LIPA: variants seen among roughly 807,000 people sequenced by gnomAD.
The protein encoded by LIPA is lipase A, lysosomal acid type.
LIPA carries 26 observed loss-of-function variants against 40.6 expected under a neutral mutation model. The observed-to-expected ratio is 0.64, with a 90% CI of 0.47 to 0.89. The LOEUF is 0.89. LIPA is among the 40% of genes least tolerant of loss of function. LIPA has a pLI of 0.00. For synonymous variants in LIPA, 188 were observed against 168.4 expected (o/e 1.12, Z -0.90); for missense variants, 455 against 479.6 (o/e 0.95, Z 0.48).
At chr10:89,362,927 G>A in intron 2 of LIPA, 1 of 269,644 alleles carries the variant, frequency 3.7e-6, no homozygotes, top group Non-Finnish European at 7.3e-6. Context: ...CCCTAAAATG[G>A]GCTGTCAGTC....
At chr10:89,376,888 A>C (rs1487179430) in intron 2 of LIPA, among the ~76,000 whole-genome samples, 3 of 152,226 alleles carry the variant, frequency 2.0e-5, no homozygotes, top group African/African-American at 4.8e-5. Context: ...TTACAGGCCC[A>C]GGACAAAGAA....
chr10:89,237,720 T>C (rs936804948), intron 3 of LIPA, among the ~76,000 whole-genome samples: 3 of 152,230 alleles, frequency 2.0e-5, no homozygotes, highest in Non-Finnish European at 4.4e-5. Flanking sequence ...GTTCCATTGA[T>C]GCTTTTTTCC....
intron 2 of LIPA, among the ~76,000 whole-genome samples, chr10:89,359,264 T>C (rs1478593784): frequency 6.6e-6 from 1 of 152,166 alleles, no homozygotes; most frequent in Non-Finnish European, 1.5e-5. Context: ...ATGTTTTATA[T>C]TGTTGCACCC....
chr10:89,406,700 G>T (rs959348855), intron 2 of LIPA, among the ~76,000 whole-genome samples: 1 of 152,054 alleles, frequency 6.6e-6, no homozygotes, highest in Non-Finnish European at 1.5e-5. Flanking sequence ...AGAAACTCTG[G>T]ATGCATCTGA....
Position 89,225,308 on chromosome 10 carries a change from G to C in LIPA, c.539-80C>G, listed in dbSNP as rs936614707. 19 of 1,568,360 alleles carry C rather than the reference G, an allele frequency of 1.2e-5. No individual in the cohort carries two copies. In the Admixed American group the frequency reaches 2.5e-4, roughly 21 times the overall value. ...AGAAAACACAAAGGCCGTCACTCGC[G>C]ACGCCCTCTCGCGGAGGCCTGAGAC... On this transcript the variant is annotated intron_variant, in intron 5 of 9. Coordinates refer to ENST00000336233, the MANE Select transcript of LIPA (RefSeq NM_000235.4).
At chr10:89,280,047 C>G (rs992920337) in intron 1 of LIPA, among the ~76,000 whole-genome samples, 9 of 151,552 alleles carry the variant, frequency 5.9e-5, no homozygotes, top group African/African-American at 2.2e-4. Flanking sequence ...TTAAAATATG[C>G]CTATTAAATG....
chr10:89,306,754 G>A (rs748387974), intron 1 of LIPA: 61 of 1,613,946 alleles, frequency 3.8e-5, no homozygotes, highest in Non-Finnish European at 4.5e-5. Context: ...CAGACAAAGC[G>A]ATTGAACTGC....
intron 1 of LIPA, among the ~76,000 whole-genome samples, chr10:89,261,564 A>AT (rs1160368425): frequency 6.6e-6 from 1 of 152,180 alleles, no homozygotes; most frequent in Non-Finnish European, 1.5e-5. Context: ...CTCACATAAA[A>AT]ATATATAATC....
intron 2 of LIPA, chr10:89,384,649 A>T: frequency 1.2e-5 from 20 of 1,614,240 alleles, no homozygotes; most frequent in Non-Finnish European, 1.5e-5. Flanking sequence ...CCTTGGGCTT[A>T]TCCACAAATT....
At chr10:89,266,720 A>C (rs549806182) in intron 1 of LIPA, among the ~76,000 whole-genome samples, 20 of 152,338 alleles carry the variant, frequency 1.3e-4, no homozygotes, top group Admixed American at 2.6e-4. Context: ...TCCATTTCCC[A>C]GTTTCTAATT....
intron 1 of LIPA, 29 bp from the exon 2 acceptor site, chr10:89,247,678 T>C (rs1234362109): frequency 4.1e-6 from 6 of 1,475,648 alleles, no homozygotes; most frequent in Non-Finnish European, 4.7e-6. Flanking sequence ...TATTATTATT[T>C]GCTTGAATTT....
Position 89,225,330 on chromosome 10 carries a change from A to C in LIPA, c.539-102T>G, listed in dbSNP as rs555894056. ...CGCGACGCCCTCTCGCGGAGGCCTGAGACCCACGCAAACAATACCACCAGC... is the reference window on the plus strand; with the variant it reads ...CGCGACGCCCTCTCGCGGAGGCCTGCGACCCACGCAAACAATACCACCAGC... On this transcript the variant is annotated intron_variant, in intron 5 of 9. Transcript: ENST00000336233. The C allele has an allele frequency of 2.0e-3, 2,762 of 1,399,530 alleles. 9 individuals are homozygous for C. The highest frequency in any genetic ancestry group is 7.1e-3 in the Middle Eastern group (40 of 5,634). The allele number at this position is 1,399,530 out of a possible 1,614,324, so 86.7% of individuals were successfully genotyped here.
In LIPA at chr10:89,302,736, C is replaced by A. The variant is rs75177552; in HGVS notation, c.-2+39875G>T. Among the ~76,000 whole-genome samples, 24 of 152,270 alleles carry A rather than the reference C, an allele frequency of 1.6e-4. No homozygotes were observed. In the East Asian group the frequency reaches 4.4e-3, roughly 28 times the overall value. The stretch of plus-strand genomic sequence containing the variant: ...TGCTTGGAGAAAATAGTTCTGTTCT[C>A]ACCTCTAACATTCCCTTCTATCCCC... On this transcript the variant is annotated intron_variant, in intron 1 of 5. Coordinates refer to the LIPA transcript ENST00000282673.
upstream of LIPA, among the ~76,000 whole-genome samples, chr10:89,345,003 C>T (rs938733022): frequency 2.0e-5 from 3 of 151,556 alleles, no homozygotes; most frequent in Non-Finnish European, 4.4e-5. Context: ...CCGGTTTCTA[C>T]TAAAAATACA....
chr10:89,392,466 T>TTCCCAC, intron 2 of LIPA: 1 of 285,990 alleles, frequency 3.5e-6, no homozygotes. Flanking sequence ...AAAGTTTCAT[T>TTCCCAC]CCCCACCCCC....
intron 1 of LIPA, chr10:89,332,584 G>C (rs1136861): frequency 3.7e-6 from 6 of 1,613,946 alleles, no homozygotes; most frequent in Non-Finnish European, 3.4e-6. Flanking sequence ...AAAATCAACC[G>C]GGACCCCAGC....
chr10:89,306,831 G>A lies in LIPA; in HGVS notation c.-2+35780C>T, dbSNP rs758825312. The stretch of plus-strand genomic sequence containing the variant: ...CATTGCCAAATTGGGTGCTGCTATA[G>A]GGCAAAAGTCTTCCAAGTAATGAAT... On this transcript the variant is annotated intron_variant, in intron 1 of 5. Coordinates refer to the LIPA transcript ENST00000282673. The A allele has an allele frequency of 4.3e-6, 7 of 1,614,040 alleles. No individual in the cohort carries two copies. The South Asian group carries it at 5.5e-5, about 13-fold the overall frequency.
At chr10:89,373,821 T>C (rs1046512218) in intron 2 of LIPA, among the ~76,000 whole-genome samples, 1 of 152,226 alleles carries the variant, frequency 6.6e-6, no homozygotes, top group Non-Finnish European at 1.5e-5. Flanking sequence ...TCAGGAGATC[T>C]GTAGAGGGGC....
At chr10:89,336,912 C>G (rs1245157910) in intron 1 of LIPA, among the ~76,000 whole-genome samples, 7 of 152,190 alleles carry the variant, frequency 4.6e-5, no homozygotes, top group African/African-American at 1.4e-4. Flanking sequence ...AAGCCCCAGG[C>G]AAATGTAGAT....
Sources: allele counts gnomAD v4.1 joint callset (sites outside exome capture counted in the v4.1 genomes callset), GRCh38; gene constraint gnomAD v4.1.1; transcripts MANE v1.5; gene names NCBI Gene and HGNC (gene_info 2026-07-23, HGNC 2026-07-21).